The following TSC22D4 variants were observed in gnomAD, a reference collection of about 807,000 sequenced individuals.
TSC22D4 encodes the protein TSC22 domain family member 4, also known as TSC22 domain family protein 4.
In TSC22D4, 5 loss-of-function variants were observed where a neutral mutation model predicts 24.9. The ratio of observed to expected loss-of-function variants is 0.20; its 90% CI spans 0.10 to 0.42. TSC22D4 has a LOEUF of 0.42. Among genes scored for constraint, TSC22D4 ranks in the 10% least tolerant of loss-of-function variants. The pLI is 1.00. For missense variants in TSC22D4, 469 were observed against 547.9 expected, an observed-to-expected ratio of 0.86 and a Z score of 1.44; for synonymous variants, 245 against 243.2, an observed-to-expected ratio of 1.01 and a Z score of -0.07.
At chr7:100,467,530 G>A (rs1263457564) in intron 4 of TSC22D4, 22 bp downstream of exon 4, 2 of 1,613,572 alleles carry the variant, frequency 1.2e-6, no homozygotes, top group Non-Finnish European at 1.7e-6. Flanking sequence ...GGACCTCCTG[G>A]GACCAAGATG....
At chr7:100,473,238 T>C (rs2131047625) in intron 3 of TSC22D4, among the ~76,000 whole-genome samples, 1 of 152,170 alleles carries the variant, frequency 6.6e-6, no homozygotes, top group East Asian at 1.9e-4. Flanking sequence ...CCTTTGCCGT[T>C]CCTAGCTCTG....
intron 3 of TSC22D4, chr7:100,473,938 A>G: frequency 3.5e-6 from 1 of 287,964 alleles, no homozygotes; most frequent in Non-Finnish European, 6.9e-6. Flanking sequence ...TTCTGTCTAG[A>G]GCATGCATTT....
intron 2 of TSC22D4, among the ~76,000 whole-genome samples, chr7:100,475,401 G>T (rs1799476701): frequency 1.3e-5 from 2 of 152,166 alleles, no homozygotes; most frequent in African/African-American, 2.4e-5. Flanking sequence ...TTCTTAAAAT[G>T]ACTCCAATGT....
intron 1 of TSC22D4, 133 bp downstream of exon 1, chr7:100,478,661 T>G (rs1799563570): frequency 6.6e-6 from 1 of 152,370 alleles, no homozygotes; most frequent in Non-Finnish European, 1.5e-5. Flanking sequence ...CTGAAGCAGC[T>G]CCCCAGCCTG....
chr7:100,476,294 G>C (rs866927343), intron 2 of TSC22D4, among the ~76,000 whole-genome samples: 2 of 151,652 alleles, frequency 1.3e-5, no homozygotes, highest in South Asian at 4.2e-4. Context: ...GGAGGGGTTT[G>C]GGGGGAGCCA....
intron 3 of TSC22D4, among the ~76,000 whole-genome samples, chr7:100,468,668 G>A (rs1799335303): frequency 6.6e-6 from 1 of 152,224 alleles, no homozygotes; most frequent in South Asian, 2.1e-4. Context: ...CAGGCGTGGT[G>A]GCTCACACCT....
chr7:100,471,130 C>A (rs1413439986), intron 3 of TSC22D4, among the ~76,000 whole-genome samples: 5 of 151,928 alleles, frequency 3.3e-5, no homozygotes, highest in African/African-American at 1.2e-4. Flanking sequence ...AGGGGATCCC[C>A]CAGGGCCTAG....
chr7:100,473,537 G>C (rs1799432132), intron 3 of TSC22D4, among the ~76,000 whole-genome samples: 1 of 151,870 alleles, frequency 6.6e-6, no homozygotes, highest in East Asian at 1.9e-4. Context: ...TGCCTCCTGG[G>C]TTCAAGTGAT....
At position 100,474,398 on chromosome 7, in the gene TSC22D4, A is replaced by G. The variant is rs1320504268; in HGVS notation, c.805T>C (p.Phe269Leu). The change falls in exon 3 of 5, where the codon TTC becomes CTC. Residue 269 changes from phenylalanine to leucine, a missense_variant. By Grantham distance (22) the Phe-to-Leu change is conservative. Transcript: ENST00000300181. This position sits in a 1 kb window ranked among gnomAD's most constrained non-coding sequence, Gnocchi z 4.3. ...TGAACCAGGCTGGCATCGTGGGTGAAGTAGAGGGCTGGGGAGCTGGGGCGA... is the reference window on the plus strand; with the variant it reads ...TGAACCAGGCTGGCATCGTGGGTGAGGTAGAGGGCTGGGGAGCTGGGGCGA... Reference protein sequence around the residue: ...DSRPSSPALYFTHDASLVHKS... With the variant: ...DSRPSSPALYLTHDASLVHKS... 6.2e-7 allele frequency: 1 copy of G among 1,613,986 alleles called. No homozygotes were observed. Among genetic ancestry groups the G allele is most frequent in the Non-Finnish European group, 8.5e-7 (1 of 1,180,020 alleles).
chr7:100,478,350 A>AGAGGGTGTGTGTGT (rs1228276528), intron 1 of TSC22D4, 43 bp from the exon 2 acceptor site: 2 of 82,804 alleles, frequency 2.4e-5, no homozygotes, highest in East Asian at 3.8e-4. Flanking sequence ...AGAGAGAGAG[A>AGAGGGTGTGTGTGT]GTGTGTGTGT....
At chr7:100,469,631 G>A (rs1179633266) in intron 3 of TSC22D4, among the ~76,000 whole-genome samples, 4 of 151,928 alleles carry the variant, frequency 2.6e-5, no homozygotes, top group Non-Finnish European at 5.9e-5. Flanking sequence ...ACCCACCCTT[G>A]CACCCCTGCA....
intron 3 of TSC22D4, 196 bp from the exon 4 acceptor site, chr7:100,467,796 A>C (rs367603764): frequency 2.8e-6 from 2 of 702,352 alleles, no homozygotes; most frequent in South Asian, 3.0e-5. Flanking sequence ...GCGGGGGCCC[A>C]GATGTCCCTC....
At chr7:100,473,598 C>G (rs910707483) in intron 3 of TSC22D4, among the ~76,000 whole-genome samples, 2 of 151,650 alleles carry the variant, frequency 1.3e-5, no homozygotes, top group Non-Finnish European at 2.9e-5. Flanking sequence ...CGTACCACCA[C>G]GCCTGGCTAA....
chr7:100,478,020 T>A lies in TSC22D4; in HGVS notation c.19A>T (p.Lys7Ter). Residue 7 changes from lysine to a stop codon, truncating the protein, a stop_gained, in exon 2 of 5, where the codon AAG (lysine) becomes TAG (stop). Transcript: ENST00000300181. LOFTEE classifies it high-confidence loss of function. Reference protein sequence around the residue: MSGGKKKSSFQITSVTT... With the variant: MSGGKK ...ACGCTGGTGATTTGGAAACTACTCTTCTTCTTGCCCCCGCTCATGGTCCCT... is the reference window on the plus strand; with the variant it reads ...ACGCTGGTGATTTGGAAACTACTCTACTTCTTGCCCCCGCTCATGGTCCCT... 1 of 1,591,612 alleles carries A rather than the reference T, an allele frequency of 6.3e-7. No individual in the cohort carries two copies. Among genetic ancestry groups the A allele is most frequent in the Non-Finnish European group, 8.5e-7 (1 of 1,171,672 alleles).
rs1799528235 is a variant in TSC22D4, at chr7:100,477,659, C to T, written c.380G>A (p.Arg127Lys). ...CAGGCCGAGGCTGGCCAGCTCCAAC[C>T]TGGAATCCAAAGATCTGCCCCCGGC... is the stretch of plus-strand genomic sequence containing the variant. Reference protein sequence around the residue: ...GGAGGRSLDSRLELASLGLGA... With the variant: ...GGAGGRSLDSKLELASLGLGA... The change falls in exon 2 of 5, where the codon AGG becomes AAG. Residue 127 changes from arginine to lysine, a missense_variant. Physicochemically the swap from Arg to Lys is conservative, Grantham distance 26 (BLOSUM62 2). Coordinates refer to ENST00000300181, the MANE Select transcript of TSC22D4 (RefSeq NM_030935.5). This position sits in a 1 kb window ranked among gnomAD's most constrained non-coding sequence, Gnocchi z 7.8. The T allele has an allele frequency of 1.3e-6, 2 of 1,593,966 alleles. No homozygotes were observed. Among genetic ancestry groups the T allele is most frequent in the African/African-American group, 2.7e-5 (2 of 74,960 alleles).
chr7:100,471,667 G>A, intron 3 of TSC22D4, among the ~76,000 whole-genome samples: 1 of 152,116 alleles, frequency 6.6e-6, no homozygotes, highest in African/African-American at 2.4e-5. Context: ...TTAAACCTGG[G>A]AGGCAGAGGT....
At chr7:100,468,073 T>C (rs1799322566) in intron 3 of TSC22D4, 2 of 402,984 alleles carry the variant, frequency 5.0e-6, no homozygotes, top group African/African-American at 4.3e-5. Context: ...GAGGAGACAG[T>C]GCCTCGGGGG....
In TSC22D4 at chr7:100,467,020, T is replaced by A; in HGVS notation, c.1127A>T (p.Gln376Leu). 1 of 1,610,936 alleles carries A rather than the reference T, an allele frequency of 6.2e-7. No homozygotes were observed. The highest frequency in any genetic ancestry group is 8.5e-7 in the Non-Finnish European group (1 of 1,178,728). The change falls in exon 5 of 5, where the codon CAG becomes CTG. Residue 376 changes from glutamine to leucine, a missense_variant. Coordinates refer to ENST00000300181, the MANE Select transcript of TSC22D4 (RefSeq NM_030935.5). ...CCGTGGGACCCCCGAGGAGGGCAGC[T>A]GAGCCAGCTGCTCCGGGCTGGCCAG... ...RALASPEQLAQLPSSGVPRLG... is the reference protein window; with the variant it reads ...RALASPEQLALLPSSGVPRLG...
chr7:100,469,741 C>A (rs1029689633), intron 3 of TSC22D4, among the ~76,000 whole-genome samples: 1 of 152,196 alleles, frequency 6.6e-6, no homozygotes, highest in Non-Finnish European at 1.5e-5. Flanking sequence ...CATCCCTGGA[C>A]TCCCTTGTAA....
Sources: gnomAD v4.1 joint callset for allele counts (sites outside exome capture counted in the v4.1 genomes callset) on GRCh38, gnomAD v4.1.1 for gene constraint, Gnocchi (gnomAD v3.1) non-coding constraint, MANE v1.5 for transcripts, NCBI Gene and HGNC (gene_info 2026-07-23, HGNC 2026-07-21) for gene names.